The following NLRP6 variants were observed in gnomAD, a reference collection of about 807,000 sequenced individuals.
NLRP6 encodes NACHT, LRR and PYD domains-containing protein 6.
In NLRP6, 55 loss-of-function variants were observed where a neutral mutation model predicts 70.9. That is an observed-to-expected ratio of 0.78 (90% CI 0.62 to 0.97). The LOEUF (loss-of-function observed/expected upper bound fraction) is 0.97. Among genes scored for constraint, NLRP6 ranks in the 50% least tolerant of loss-of-function variants. The pLI, the probability that NLRP6 is intolerant of heterozygous loss-of-function variation, is 0.00. For missense variants in NLRP6, 1,241 were observed against 1,238.3 expected (o/e 1.00, Z -0.03); for synonymous variants, 652 against 581.9 (o/e 1.12, Z -1.73).
chr11:282,887 G>T, intron 5 of NLRP6, 90 bp downstream of exon 5: 1 of 963,034 alleles, frequency 1.0e-6, no homozygotes. Context: ...AGGAAAGAAG[G>T]CTGAGGGGTC....
At chr11:282,002 T>C (rs1303317983) in intron 4 of NLRP6, among the ~76,000 whole-genome samples, 163 bp downstream of exon 4, 1 of 151,910 alleles carries the variant, frequency 6.6e-6, no homozygotes, top group East Asian at 1.9e-4. Flanking sequence ...AACCACTGAA[T>C]TCCTATCTTC....
In NLRP6 at chr11:281,666, G is replaced by C; in HGVS notation, c.1932G>C (p.Leu644=). Residue 644 remains leucine, a synonymous_variant, in exon 4 of 8, where the codon CTG becomes CTC. Coordinates refer to ENST00000534750, the MANE Select transcript of NLRP6 (RefSeq NM_001276700.2). The stretch of plus-strand genomic sequence containing the variant: ...AAGCCCTGTGCCGGTTCCCGGAGCT[G>C]GCGCTGCAGCGAGTGCGCTTCTGCC... ...VRQALCRFPE[L]ALQRVRFCRM... 1 of 1,613,444 alleles carries C rather than the reference G, an allele frequency of 6.2e-7. No individual in the cohort carries two copies. The highest frequency in any genetic ancestry group is 8.5e-7 in the Non-Finnish European group (1 of 1,180,030).
rs1845439340 is a variant in NLRP6 at position 279,749 on chromosome 11, C to A, written c.311-85C>A. The A allele has an allele frequency of 4.9e-6, 7 of 1,420,422 alleles. No individual in the cohort carries two copies. In the Admixed American group the frequency reaches 1.0e-4, roughly 20 times the overall value. 88.0% of individuals were successfully genotyped at this position (1,420,422 alleles called of 1,614,324 possible). The stretch of plus-strand genomic sequence containing the variant: ...CGCGGGCCCCAGGGGTAGGACCCTG[C>A]GTGCTCCTCAGGGTGACTCGGACCC... On this transcript the variant is annotated intron_variant, in intron 2 of 7. Coordinates refer to ENST00000534750, the MANE Select transcript of NLRP6 (RefSeq NM_001276700.2).
rs1282329784 is a variant in NLRP6, at chr11:284,268, A to G, written c.2237A>G (p.Asp746Gly). Residue 746 changes from aspartate (D) to glycine (G), a missense_variant, in exon 6 of 8, where the codon GAC becomes GGC. Transcript: ENST00000534750. ...HCKLPDAVCR[D>G]LSEALRAAPA... ...AAACTCCCTGACGCGGTCTGCCGAG[A>G]CCTTTCTGAGGCCCTGAGGGCAGCC... The G allele has an allele frequency of 6.2e-7, 1 of 1,613,012 alleles. No homozygotes were observed. The highest frequency in any genetic ancestry group is 8.5e-7 in the Non-Finnish European group (1 of 1,179,998).
rs914051057 is a variant in NLRP6 at position 282,760 on chromosome 11, G to A, written c.2161G>A (p.Ala721Thr). 3.7e-6 allele frequency: 6 copies of A among 1,613,846 alleles called. No individual in the cohort carries two copies. The African/African-American group carries it at 5.3e-5, about 14-fold the overall frequency. The change falls in exon 5 of 8, where the codon GCA (alanine) becomes ACA (threonine). Residue 721 changes from alanine to threonine, a missense_variant. Transcript: ENST00000534750. ...PASLLHPLFQAMTDPLCHLSS... is the reference protein window; with the variant it reads ...PASLLHPLFQTMTDPLCHLSS... ...CTCCCTTCTTCATCCACTCTTTCAG[G>A]CAATGACTGACCCACTGTGCCATCT...
At position 279,881 on chromosome 11, in the gene NLRP6, C is replaced by G. The variant is rs903870451; in HGVS notation, c.349+9C>G. 2.6e-6 allele frequency: 4 copies of G among 1,534,674 alleles called. No individual in the cohort carries two copies. The highest frequency in any genetic ancestry group is 3.5e-6 in the Non-Finnish European group (4 of 1,144,714). ...GCTGCTCTCCGTGTCCGGTGGGTCT[C>G]TCGCTGGGGGGGCACGAGTGTCCCC... On this transcript the variant is annotated intron_variant, in intron 3 of 7. Coordinates refer to ENST00000534750, the MANE Select transcript of NLRP6 (RefSeq NM_001276700.2).
Position 279,534 on chromosome 11 carries a change from G to A in NLRP6, c.237G>A (p.Glu79=), listed in dbSNP as rs911545690. 18 of 1,453,764 alleles carry A rather than the reference G, an allele frequency of 1.2e-5. No individual in the cohort carries two copies. The highest frequency in any genetic ancestry group is 2.7e-5 in the Admixed American group (1 of 36,910). The allele number at this position is 1,453,764 out of a possible 1,614,324, so 90.1% of individuals were successfully genotyped here. A position where few individuals can be genotyped will look rare whatever the true frequency, so the allele number is the denominator to read the frequency against. The change falls in exon 2 of 8, where the codon GAG becomes GAA. Residue 79 remains glutamate (E), a synonymous_variant. Transcript: ENST00000534750. ...AQFYGPEPAL[E]VARKTLKRAD... ...TCTACGGCCCGGAGCCTGCCCTGGA[G>A]GTGGCCCGCAAGACCCTCAAGAGGG...
intron 3 of NLRP6, 60 bp downstream of exon 3, chr11:279,932 G>T: frequency 6.9e-7 from 1 of 1,456,894 alleles, no homozygotes. Flanking sequence ...GTCCCGGGGA[G>T]GACCGGGGTG....
In NLRP6 at chr11:284,463, G is replaced by T; in HGVS notation, c.2370-12G>T. 1.9e-6 allele frequency: 3 copies of T among 1,609,496 alleles called. No homozygotes were observed. Among genetic ancestry groups the T allele is most frequent in the Non-Finnish European group, 2.5e-6 (3 of 1,177,312 alleles). Reference sequence around the variant, plus strand: ...GCCACCCCAGCAGCTCCTGAGGTCGGCCCTCCCACAGGGTACAGCTGCCTG... The same window carrying T: ...GCCACCCCAGCAGCTCCTGAGGTCGTCCCTCCCACAGGGTACAGCTGCCTG... On this transcript the variant is annotated splice_polypyrimidine_tract_variant and intron_variant, in intron 6 of 7. Transcript: ENST00000534750.
chr11:285,356 G>A lies in NLRP6; in HGVS notation c.*52G>A. On this transcript the variant is annotated 3_prime_UTR_variant, in exon 8 of 8. Coordinates refer to ENST00000534750, the MANE Select transcript of NLRP6 (RefSeq NM_001276700.2). ...AGACCCTAGTCAAAGTCCCTGTGGA[G>A]AGAACGGCCCATTCCAAGGGCAGGA... 2 of 1,577,836 alleles carry A rather than the reference G, an allele frequency of 1.3e-6. No homozygotes were observed. Among genetic ancestry groups the A allele is most frequent in the East Asian group, 2.3e-5 (1 of 43,584 alleles).
At chr11:282,975 G>A (rs1405585888) in intron 5 of NLRP6, among the ~76,000 whole-genome samples, 178 bp downstream of exon 5, 2 of 152,228 alleles carry the variant, frequency 1.3e-5, no homozygotes, top group Non-Finnish European at 2.9e-5. Context: ...GGGGATGAGG[G>A]TCTGGGGCTT....
intron 4 of NLRP6, 93 bp from the exon 5 acceptor site, chr11:282,612 T>G: frequency 1.0e-6 from 1 of 1,003,226 alleles, no homozygotes; most frequent in South Asian, 1.3e-5. Flanking sequence ...GAGGGGCAGC[T>G]CTGAGACCCC....
rs1224809587 is a variant in NLRP6, at chr11:281,059, T to C, written c.1325T>C (p.Leu442Pro). Reference protein sequence around the residue: ...VADGPRLQGDLRNLCRLAREG... With the variant: ...VADGPRLQGDPRNLCRLAREG... ...GACGGGCCCCGGTTGCAGGGCGACCTGCGCAATCTGTGCCGCCTGGCCCGC... is the reference window on the plus strand; with the variant it reads ...GACGGGCCCCGGTTGCAGGGCGACCCGCGCAATCTGTGCCGCCTGGCCCGC... The change falls in exon 4 of 8, where the codon CTG (leucine) becomes CCG (proline). Residue 442 changes from leucine (L) to proline (P), a missense_variant. Physicochemically the swap from Leu to Pro is moderately conservative, Grantham distance 98. Transcript: ENST00000534750. 1 of 1,612,812 alleles carries C rather than the reference T, an allele frequency of 6.2e-7. No homozygotes were observed. The highest frequency in any genetic ancestry group is 1.3e-5 in the African/African-American group (1 of 74,948).
intron 5 of NLRP6, 99 bp from the exon 6 acceptor site, chr11:284,131 C>A: frequency 9.1e-7 from 1 of 1,100,116 alleles, no homozygotes; most frequent in Non-Finnish European, 1.3e-6. Context: ...CATCTCTCAG[C>A]TGAACCCTGG....
intron 3 of NLRP6, 71 bp from the exon 4 acceptor site, chr11:280,013 G>A: frequency 1.4e-6 from 2 of 1,416,090 alleles, no homozygotes; most frequent in Non-Finnish European, 1.9e-6. Flanking sequence ...CGGGGAGGGC[G>A]TGGGCTCCCG....
Position 280,613 on chromosome 11 carries a change from G to C in NLRP6, c.879G>C (p.Ala293=). ...CGGCGCTGGGGGGCCCCGAGGCCGC[G>C]CCCTGCACAGACCCCTTCGAGGCGG... The part of the protein sequence containing the change: ...ELPALGGPEA[A]PCTDPFEAAS... The change falls in exon 4 of 8, where the codon GCG becomes GCC. Residue 293 remains alanine, a synonymous_variant. Coordinates refer to ENST00000534750, the MANE Select transcript of NLRP6 (RefSeq NM_001276700.2). 6.7e-7 allele frequency: 1 copy of C among 1,482,828 alleles called. No individual in the cohort carries two copies. The allele number at this position is 1,482,828 out of a possible 1,614,324, so 91.9% of individuals were successfully genotyped here.
intron 4 of NLRP6, among the ~76,000 whole-genome samples, chr11:282,256 T>C (rs1564833504): frequency 6.6e-6 from 1 of 152,130 alleles, no homozygotes. Context: ...GGGACCCAAC[T>C]GGCTCCAGAA....
chr11:281,605 G>A lies in NLRP6; in HGVS notation c.1871G>A (p.Cys624Tyr), dbSNP rs1291019939. ...EPNYPLELLY[C>Y]LYETQEDAFV... ...AACTACCCACTGGAGTTGCTGTACT[G>A]CCTGTACGAGACGCAGGAGGACGCG... The change falls in exon 4 of 8, where the codon TGC becomes TAC. Residue 624 changes from cysteine to tyrosine, a missense_variant. Coordinates refer to ENST00000534750, the MANE Select transcript of NLRP6 (RefSeq NM_001276700.2). 1.2e-6 allele frequency: 2 copies of A among 1,612,262 alleles called. No homozygotes were observed. The highest frequency in any genetic ancestry group is 2.2e-5 in the South Asian group (2 of 90,870).
Position 281,411 on chromosome 11 carries a change from C to A in NLRP6, c.1677C>A (p.Ile559=), listed in dbSNP as rs199706714. The change falls in exon 4 of 8, where the codon ATC becomes ATA. Residue 559 remains isoleucine (I), a synonymous_variant. Coordinates refer to ENST00000534750, the MANE Select transcript of NLRP6 (RefSeq NM_001276700.2). ...GLLSAERMRD[I]ERHFGCMVSE... ...TGAGCGCGGAGCGGATGCGCGACAT[C>A]GAGCGCCACTTCGGCTGCATGGTTT... is the stretch of plus-strand genomic sequence containing the variant. The A allele has an allele frequency of 6.2e-7, 1 of 1,608,406 alleles. No homozygotes were observed. Among genetic ancestry groups the A allele is most frequent in the Middle Eastern group, 1.7e-4 (1 of 6,014 alleles).
Sources: allele counts gnomAD v4.1 joint callset (sites outside exome capture counted in the v4.1 genomes callset), GRCh38; gene constraint gnomAD v4.1.1; transcripts MANE v1.5; gene names NCBI Gene and HGNC (gene_info 2026-07-23, HGNC 2026-07-21).